TMIGD3: variants seen among roughly 807,000 people sequenced by gnomAD.
TMIGD3 encodes AD026 protein (AD026).
TMIGD3 carries 21 observed loss-of-function variants against 28.1 expected under a neutral mutation model. The ratio of observed to expected loss-of-function variants is 0.75; its 90% CI spans 0.53 to 1.08. The LOEUF is 1.08. TMIGD3 is among the 50% of genes least tolerant of loss of function. TMIGD3 has a pLI of 0.00. For missense variants in TMIGD3, 416 were observed against 435.6 expected (o/e 0.96, Z 0.40); for synonymous variants, 151 against 162.1 (o/e 0.93, Z 0.52).
intron 1 of TMIGD3, chr1:111,542,312 G>C: frequency 2.0e-6 from 1 of 502,312 alleles, no homozygotes; most frequent in East Asian, 5.1e-5. Context: ...CAAGAGCAAA[G>C]AAGTTAAAAG....
rs145052584 is a variant in TMIGD3 at position 111,510,446 on chromosome 1, A to G, written c.108-19684T>C. 8.5e-3 allele frequency among the ~76,000 whole-genome samples: 1,289 copies of G among 152,280 alleles called. 20 individuals carry two copies. Among genetic ancestry groups the G allele is most frequent in the African/African-American group, 0.029 (1,213 of 41,540 alleles). ...TTTCATAGGATAAATTTCTCTGAGGAGTTTTAGTGCTAGAAAAGAGGTCGT... is the reference window on the plus strand; with the variant it reads ...TTTCATAGGATAAATTTCTCTGAGGGGTTTTAGTGCTAGAAAAGAGGTCGT... On this transcript the variant is annotated intron_variant, in intron 1 of 5. Transcript: ENST00000369717.
At chr1:111,520,216 A>G (rs2101002742) in intron 1 of TMIGD3, among the ~76,000 whole-genome samples, 1 of 152,340 alleles carries the variant, frequency 6.6e-6, no homozygotes, top group South Asian at 2.1e-4. Context: ...TTTATGGAGG[A>G]AACGATAGTT....
At chr1:111,524,651 A>C (rs775661356) in intron 1 of TMIGD3, among the ~76,000 whole-genome samples, 13 of 150,322 alleles carry the variant, frequency 8.6e-5, no homozygotes, top group Non-Finnish European at 1.8e-4. Context: ...ACACAATTTC[A>C]CTCTGTCGCC....
chr1:111,556,475 A>G (rs1035433526), intron 1 of TMIGD3, among the ~76,000 whole-genome samples: 3 of 152,232 alleles, frequency 2.0e-5, no homozygotes, highest in African/African-American at 7.2e-5. Context: ...CATTACTCAC[A>G]GTTGCCATAG....
chr1:111,503,787 A>G (rs1655376013), upstream of TMIGD3: 1 of 1,010,160 alleles, frequency 9.9e-7, no homozygotes, highest in African/African-American at 1.7e-5. Flanking sequence ...TACAGAGCTC[A>G]GAACTCTCAG....
At chr1:111,547,004 C>G (rs1169128049) in intron 1 of TMIGD3, among the ~76,000 whole-genome samples, 1 of 152,062 alleles carries the variant, frequency 6.6e-6, no homozygotes, top group Non-Finnish European at 1.5e-5. Context: ...GAACAATGCC[C>G]AAGGATTGTG....
Position 111,563,762 on chromosome 1 carries a change from G to T in TMIGD3, c.107+84C>A, listed in dbSNP as rs17027995. 8,363 of 973,306 alleles carry T rather than the reference G, an allele frequency of 8.6e-3. 454 individuals are homozygous for T. The African/African-American group carries it at 0.12, about 14-fold the overall frequency. The allele number at this position is 973,306 out of a possible 1,614,324, so 60.3% of individuals were successfully genotyped here. On this transcript the variant is annotated intron_variant, in intron 1 of 5. Coordinates refer to the TMIGD3 transcript ENST00000369717. Reference sequence around the variant, plus strand: ...GATTAAGTAGCTTGCCCCATATCATGAATAAATGTTCCAAAGTGGTCAGTA... The same window carrying T: ...GATTAAGTAGCTTGCCCCATATCATTAATAAATGTTCCAAAGTGGTCAGTA...
intron 1 of TMIGD3, among the ~76,000 whole-genome samples, chr1:111,492,112 G>A (rs1571403142): frequency 6.6e-6 from 1 of 152,126 alleles, no homozygotes; most frequent in Non-Finnish European, 1.5e-5. Context: ...CTACAGAGGG[G>A]CCCATATGGA....
intron 3 of TMIGD3, among the ~76,000 whole-genome samples, chr1:111,488,334 A>G (rs1006985495): frequency 2.6e-5 from 4 of 151,982 alleles, no homozygotes; most frequent in Non-Finnish European, 5.9e-5. Flanking sequence ...CGATTCTCAC[A>G]CAGACATTTA....
intron 1 of TMIGD3, among the ~76,000 whole-genome samples, chr1:111,498,620 C>T (rs1048102428): frequency 2.0e-5 from 3 of 152,194 alleles, no homozygotes; most frequent in Non-Finnish European, 2.9e-5. Context: ...CAGGGTTAAG[C>T]TTAAATTCTG....
At chr1:111,485,707 T>TTGG in intron 5 of TMIGD3, 33 bp downstream of exon 5, 1 of 1,353,490 alleles carries the variant, frequency 7.4e-7, no homozygotes, top group Non-Finnish European at 1.0e-6. Context: ...CTCTAATTCT[T>TTGG]GCCCACCCCC....
chr1:111,562,117 T>C (rs1399030043), intron 1 of TMIGD3, among the ~76,000 whole-genome samples: 4 of 152,170 alleles, frequency 2.6e-5, no homozygotes, highest in Admixed American at 2.6e-4. Flanking sequence ...GCTTGTGCCA[T>C]TTCTTTTCTA....
At chr1:111,529,242 G>C (rs1423141662) in intron 1 of TMIGD3, among the ~76,000 whole-genome samples, 1 of 151,898 alleles carries the variant, frequency 6.6e-6, no homozygotes, top group Non-Finnish European at 1.5e-5. Context: ...TCTGGAAGAA[G>C]ACTTTCCAAG....
At chr1:111,532,590 G>C (rs1656493594) in intron 1 of TMIGD3, among the ~76,000 whole-genome samples, 1 of 152,128 alleles carries the variant, frequency 6.6e-6, no homozygotes, top group Non-Finnish European at 1.5e-5. Flanking sequence ...AGGAGTTCAA[G>C]ACCAGCCTGG....
chr1:111,502,862 A>T, intron 1 of TMIGD3, 143 bp downstream of exon 1: 1 of 1,034,744 alleles, frequency 9.7e-7, no homozygotes, highest in Non-Finnish European at 1.4e-6. Flanking sequence ...CTCACAGACC[A>T]TATCACAAAA....
chr1:111,493,352 G>A (rs1021064971), intron 1 of TMIGD3, among the ~76,000 whole-genome samples: 7 of 152,068 alleles, frequency 4.6e-5, no homozygotes, highest in Non-Finnish European at 4.4e-5. Flanking sequence ...GTTCCCATGA[G>A]AGCTGATTGT....
chr1:111,494,471 A>G lies in TMIGD3; in HGVS notation c.351-3709T>C, dbSNP rs113054949. On this transcript the variant is annotated intron_variant, in intron 1 of 5. Transcript: ENST00000369716. Reference sequence around the variant, plus strand: ...TGCAATCCCATTCACAATTGCCACAAAAGAATAAAATACCTAGGAATACAG... The same window carrying G: ...TGCAATCCCATTCACAATTGCCACAGAAGAATAAAATACCTAGGAATACAG... Among the ~76,000 whole-genome samples, 941 of 152,354 alleles carry G rather than the reference A, an allele frequency of 6.2e-3. 12 individuals are homozygous for G. The highest frequency in any genetic ancestry group is 0.019 in the African/African-American group (805 of 41,582).
upstream of TMIGD3, chr1:111,503,709 T>C (rs1476102213): frequency 4.8e-6 from 5 of 1,051,202 alleles, no homozygotes; most frequent in East Asian, 2.2e-4. Context: ...TTTTGGCTTT[T>C]TGAGTTCCAT....
chr1:111,510,975 C>T (rs562103416), intron 1 of TMIGD3, among the ~76,000 whole-genome samples: 1 of 152,326 alleles, frequency 6.6e-6, no homozygotes, highest in Admixed American at 6.5e-5. Context: ...CGGGCACCCA[C>T]ATCCAGCAAT....
Sources: allele counts gnomAD v4.1 joint callset (sites outside exome capture counted in the v4.1 genomes callset), GRCh38; gene constraint gnomAD v4.1.1; transcripts MANE v1.5; gene names NCBI Gene and HGNC (gene_info 2026-07-23, HGNC 2026-07-21).